Variants in GGTA1 observed in about 807,000 individuals in gnomAD.
GGTA1 encodes the protein glycoprotein alpha-galactosyltransferase 1 (inactive).
In GGTA1, 5 loss-of-function variants were observed where a neutral mutation model predicts 2.6. The ratio of observed to expected loss-of-function variants is 1.92; its 90% confidence interval spans 1.00 to 4.04. The LOEUF (loss-of-function observed/expected upper bound fraction) is 4.04. GGTA1 is among the 30% of genes most tolerant of loss of function. The pLI is 0.00. For synonymous variants in GGTA1, 17 were observed against 5.0 expected, an observed-to-expected ratio of 3.38 and a Z score of -3.19; for missense variants, 50 against 16.7, an observed-to-expected ratio of 2.99 and a Z score of -3.47.
chr9:121,491,334 A>T (rs1159580228), intron 1 of GGTA1, among the ~76,000 whole-genome samples: 1 of 152,136 alleles, frequency 6.6e-6, no homozygotes, highest in Non-Finnish European at 1.5e-5. Context: ...TGCCAGCCCC[A>T]ACATCACCCT....
At chr9:121,448,298 T>C (rs1242076775) in intron 7 of GGTA1, among the ~76,000 whole-genome samples, 1 of 152,054 alleles carries the variant, frequency 6.6e-6, no homozygotes, top group Non-Finnish European at 1.5e-5. Context: ...GATACAAGGG[T>C]GATGTGACCC....
chr9:121,468,888 G>A (rs1589331523), intron 1 of GGTA1, among the ~76,000 whole-genome samples: 2 of 152,054 alleles, frequency 1.3e-5, no homozygotes, highest in East Asian at 1.9e-4. Flanking sequence ...AAGTCTGATC[G>A]CCCCACCTTT....
At chr9:121,470,917 T>G (rs1828374499) in intron 1 of GGTA1, among the ~76,000 whole-genome samples, 1 of 152,228 alleles carries the variant, frequency 6.6e-6, no homozygotes, top group African/African-American at 2.4e-5. Flanking sequence ...GGGCTCTGTG[T>G]GAATTACTCT....
chr9:121,469,832 T>C (rs920103278), intron 1 of GGTA1, among the ~76,000 whole-genome samples: 24 of 152,164 alleles, frequency 1.6e-4, no homozygotes, highest in African/African-American at 5.3e-4. Context: ...CAATATGACT[T>C]GGCCTTAAGC....
chr9:121,468,130 A>T (rs1828296664), intron 1 of GGTA1, among the ~76,000 whole-genome samples, 199 bp from the exon 2 acceptor site: 1 of 152,192 alleles, frequency 6.6e-6, no homozygotes. Flanking sequence ...GCAACCCATC[A>T]TCTACATTAG....
intron 2 of GGTA1, among the ~76,000 whole-genome samples, chr9:121,464,324 G>GTTT (rs10681377): frequency 0.037 from 4,171 of 111,830 alleles, 267 homozygotes; most frequent in African/African-American, 0.051. Flanking sequence ...CCTCCTTGAG[G>GTTT]TTTTTTTTTT....
chr9:121,481,152 C>CAAAA (rs56784223), intron 1 of GGTA1, among the ~76,000 whole-genome samples: 1 of 78,560 alleles, frequency 1.3e-5, no homozygotes, highest in Non-Finnish European at 2.4e-5. Context: ...GACACCATCT[C>CAAAA]AAAAAAAAAA....
At chr9:121,492,213 G>A (rs1828883797) in intron 1 of GGTA1, among the ~76,000 whole-genome samples, 1 of 152,168 alleles carries the variant, frequency 6.6e-6, no homozygotes, top group South Asian at 2.1e-4. Flanking sequence ...TTCCCTTGCA[G>A]GTTTTTGGTT....
At chr9:121,489,611 T>C (rs1828833012) in intron 1 of GGTA1, among the ~76,000 whole-genome samples, 1 of 152,192 alleles carries the variant, frequency 6.6e-6, no homozygotes, top group South Asian at 2.1e-4. Flanking sequence ...GAAATTGGCC[T>C]TGGTGGAAAT....
intron 1 of GGTA1, among the ~76,000 whole-genome samples, chr9:121,478,746 G>T (rs1399214136): frequency 2.0e-5 from 3 of 152,210 alleles, no homozygotes; most frequent in South Asian, 2.1e-4. Context: ...GGAACGACCT[G>T]TTCTCTGAAG....
exon 8 of GGTA1, chr9:121,445,573 AT>A (rs1292115356): frequency 6.6e-6 from 1 of 152,186 alleles, no homozygotes; most frequent in African/African-American, 2.4e-5. Context: ...CTCCCTTTAC[AT>A]TGATTTGGTT....
intron 5 of GGTA1, 127 bp downstream of exon 5, chr9:121,459,977 G>T: frequency 7.8e-6 from 3 of 382,686 alleles, no homozygotes; most frequent in Non-Finnish European, 1.5e-5. Flanking sequence ...ACTGTTAAAG[G>T]TCTAATATGC....
intron 1 of GGTA1, among the ~76,000 whole-genome samples, chr9:121,499,382 G>T (rs555020133): frequency 2.4e-4 from 37 of 152,228 alleles, no homozygotes; most frequent in African/African-American, 8.2e-4. Flanking sequence ...GGGAACCTCA[G>T]CTTGCAGCTC....
intron 5 of GGTA1, among the ~76,000 whole-genome samples, chr9:121,457,573 C>T (rs890684094): frequency 6.6e-6 from 1 of 151,404 alleles, no homozygotes. Context: ...CAGTGGCGGG[C>T]GCCTGTAGTC....
chr9:121,487,629 C>A (rs539530582), intron 1 of GGTA1, among the ~76,000 whole-genome samples: 2 of 150,912 alleles, frequency 1.3e-5, no homozygotes, highest in Admixed American at 6.6e-5. Context: ...TCCTAAGAAC[C>A]AGCGCACTAG....
At chr9:121,452,595 T>G (rs1470309104), downstream of GGTA1, among the ~76,000 whole-genome samples, 2 of 152,168 alleles carry the variant, frequency 1.3e-5, no homozygotes, top group Non-Finnish European at 2.9e-5. Context: ...CTTGGCTCAC[T>G]GTAGTCTCTG....
At chr9:121,473,664 G>A (rs1368946525) in intron 1 of GGTA1, among the ~76,000 whole-genome samples, 1 of 152,020 alleles carries the variant, frequency 6.6e-6, no homozygotes, top group Admixed American at 6.5e-5. Flanking sequence ...AGTAGCTCAT[G>A]CTTGTAATCC....
chr9:121,446,029 C>CT (rs2064850766), exon 8 of GGTA1: 1 of 152,198 alleles, frequency 6.6e-6, no homozygotes, highest in Non-Finnish European at 1.5e-5. Flanking sequence ...GTCTGGTAGA[C>CT]TGAATACCAC....
chr9:121,445,906 C>T (rs982288569), exon 8 of GGTA1: 1 of 152,132 alleles, frequency 6.6e-6, no homozygotes, highest in Non-Finnish European at 1.5e-5. Context: ...CTGATGAAGC[C>T]CACATCCTAG....
Sources: allele counts gnomAD v4.1 joint callset (sites outside exome capture counted in the v4.1 genomes callset), GRCh38; gene constraint gnomAD v4.1.1; transcripts MANE v1.5; gene names NCBI Gene and HGNC (gene_info 2026-07-23, HGNC 2026-07-21).